SLC25A48: variants seen among roughly 807,000 people sequenced by gnomAD.
SLC25A48 encodes solute carrier family 25 member 48.
A neutral mutation model predicts 32.2 loss-of-function variants in SLC25A48; 29 were observed. That is an observed-to-expected ratio of 0.90 (90% confidence interval 0.67 to 1.23). SLC25A48 has a LOEUF of 1.23. SLC25A48 is among the 50% of genes most tolerant of loss of function. SLC25A48 has a pLI of 0.00. For synonymous variants in SLC25A48, 164 were observed against 172.3 expected (o/e 0.95, Z 0.38); for missense variants, 399 against 422.7 (o/e 0.94, Z 0.49).
chr5:135,877,835 A>T (rs551077187), intron 6 of SLC25A48, among the ~76,000 whole-genome samples: 5 of 152,248 alleles, frequency 3.3e-5, no homozygotes, highest in African/African-American at 1.2e-4. Flanking sequence ...GGCCATGGGG[A>T]CACTGCCAGG....
intron 4 of SLC25A48, among the ~76,000 whole-genome samples, chr5:135,820,421 A>G (rs977551094): frequency 1.3e-5 from 2 of 152,228 alleles, no homozygotes; most frequent in Non-Finnish European, 2.9e-5. Context: ...AGATTACCTG[A>G]AAAGAGGCAT....
chr5:135,625,370 G>T (rs1326236954), intron 1 of SLC25A48, among the ~76,000 whole-genome samples: 2 of 152,142 alleles, frequency 1.3e-5, no homozygotes, highest in Non-Finnish European at 2.9e-5. Flanking sequence ...GGACAGAAGA[G>T]ATGTGGCTAG....
chr5:135,597,579 G>C (rs879918896), intron 1 of SLC25A48, among the ~76,000 whole-genome samples: 6 of 152,206 alleles, frequency 3.9e-5, no homozygotes, highest in Admixed American at 2.6e-4. Flanking sequence ...AAGGAGATGC[G>C]AGAATGGCCT....
intron 4 of SLC25A48, chr5:135,822,281 A>C (rs1561509721): frequency 6.6e-6 from 1 of 152,346 alleles, no homozygotes; most frequent in Non-Finnish European, 1.5e-5. Context: ...TGAGCCATCC[A>C]GCAAACCCAC....
intron 3 of SLC25A48, among the ~76,000 whole-genome samples, chr5:135,687,758 A>T (rs994549550): frequency 6.6e-6 from 1 of 152,080 alleles, no homozygotes; most frequent in African/African-American, 2.4e-5. Context: ...TTCTGTTTTT[A>T]CTAACAATTC....
intron 3 of SLC25A48, among the ~76,000 whole-genome samples, chr5:135,648,040 T>C (rs116526983): frequency 0.011 from 1,715 of 152,234 alleles, 40 homozygotes; most frequent in African/African-American, 0.039. Context: ...GTGTGGCCTG[T>C]GATGAGAGGC....
In SLC25A48 at chr5:135,777,902, G is replaced by T. The variant is rs75137139; in HGVS notation, c.-520-34621G>T. Among the ~76,000 whole-genome samples, 1,357 of 151,790 alleles carry T rather than the reference G, an allele frequency of 8.9e-3. 8 individuals carry two copies. Among genetic ancestry groups the T allele is most frequent in the Non-Finnish European group, 0.013 (902 of 67,914 alleles). ...AATATTACTCCCAATATCACAAGGG[G>T]TGTACATCCCACCTGTGATATTGTT... is the stretch of plus-strand genomic sequence containing the variant. On this transcript the variant is annotated intron_variant, in intron 3 of 10. Transcript: ENST00000646290.
intron 3 of SLC25A48, among the ~76,000 whole-genome samples, chr5:135,766,263 G>A (rs1319543119): frequency 1.3e-5 from 2 of 151,304 alleles, no homozygotes; most frequent in Non-Finnish European, 3.0e-5. Flanking sequence ...CTGTGATATG[G>A]TTTGTAATAT....
intron 3 of SLC25A48, among the ~76,000 whole-genome samples, chr5:135,790,819 C>T (rs1318852107): frequency 1.3e-5 from 2 of 151,510 alleles, no homozygotes; most frequent in Non-Finnish European, 2.9e-5. Flanking sequence ...GTGGATGTTA[C>T]TCCTAATGTC....
chr5:135,774,544 G>A (rs1756498271), intron 3 of SLC25A48, among the ~76,000 whole-genome samples: 1 of 151,808 alleles, frequency 6.6e-6, no homozygotes, highest in African/African-American at 2.4e-5. Context: ...AATATCCAGG[G>A]AGGGAGAGAA....
chr5:135,839,805 T>C (rs566427685), intron 1 of SLC25A48, among the ~76,000 whole-genome samples: 1 of 152,270 alleles, frequency 6.6e-6, no homozygotes, highest in Non-Finnish European at 1.5e-5. Flanking sequence ...CCTGTGCTGT[T>C]CTTGTGGTAG....
At chr5:135,607,955 C>T (rs1259995247) in intron 1 of SLC25A48, among the ~76,000 whole-genome samples, 1 of 152,214 alleles carries the variant, frequency 6.6e-6, no homozygotes, top group Non-Finnish European at 1.5e-5. Flanking sequence ...TCTGTGTCTT[C>T]ATTCTTAAAG....
intron 3 of SLC25A48, among the ~76,000 whole-genome samples, chr5:135,766,521 A>G (rs1756235116): frequency 1.3e-5 from 2 of 150,324 alleles, no homozygotes; most frequent in Non-Finnish European, 3.0e-5. Context: ...TACTCCTCAT[A>G]TCGTGGGGGG....
At chr5:135,880,377 A>G (rs770630732) in intron 7 of SLC25A48, among the ~76,000 whole-genome samples, 1 of 152,004 alleles carries the variant, frequency 6.6e-6, no homozygotes, top group East Asian at 1.9e-4. Flanking sequence ...AGCAGCTTCA[A>G]CAGCCCTTTC....
At chr5:135,693,239 T>C (rs1185271748) in intron 3 of SLC25A48, among the ~76,000 whole-genome samples, 1 of 152,218 alleles carries the variant, frequency 6.6e-6, no homozygotes. Flanking sequence ...CATAGTCTAC[T>C]GTGGTAAATG....
At chr5:135,717,613 G>T (rs577945882) in intron 3 of SLC25A48, among the ~76,000 whole-genome samples, 22 of 152,286 alleles carry the variant, frequency 1.4e-4, no homozygotes, top group African/African-American at 4.6e-4. Flanking sequence ...ACTCAAACAT[G>T]GCTACACAAC....
intron 7 of SLC25A48, among the ~76,000 whole-genome samples, chr5:135,882,639 C>T (rs894532147): frequency 7.2e-5 from 11 of 152,110 alleles, no homozygotes; most frequent in African/African-American, 2.2e-4. Context: ...AAGTTCCATG[C>T]GGGAAGATCA....
At chr5:135,808,171 GTGT>G (rs1469022357) in intron 3 of SLC25A48, among the ~76,000 whole-genome samples, 1 of 149,834 alleles carries the variant, frequency 6.7e-6, no homozygotes, top group Non-Finnish European at 1.5e-5. Flanking sequence ...ATATCATATT[GTGT>G]TAACACTAGA....
At chr5:135,595,982 G>T (rs891115594) in intron 1 of SLC25A48, among the ~76,000 whole-genome samples, 16 of 152,150 alleles carry the variant, frequency 1.1e-4, no homozygotes, top group African/African-American at 3.9e-4. Context: ...ACATCATCAG[G>T]TGCTTTCTGT....
Sources: gnomAD v4.1 joint callset for allele counts (sites outside exome capture counted in the v4.1 genomes callset) on GRCh38, gnomAD v4.1.1 for gene constraint, MANE v1.5 for transcripts, NCBI Gene and HGNC (gene_info 2026-07-23, HGNC 2026-07-21) for gene names.